Variants in PEX5L observed in about 807,000 individuals in gnomAD.
The protein encoded by PEX5L is PEX5-related protein.
In PEX5L, 30 loss-of-function variants were observed where a neutral mutation model predicts 84.0. That is an observed-to-expected ratio of 0.36 (90% confidence interval 0.27 to 0.48). PEX5L has a LOEUF of 0.48. Ranked by LOEUF, PEX5L falls within the 20% of genes least tolerant of loss-of-function variation. The probability of loss-of-function intolerance (pLI) is 0.99; values close to 1 mark genes in which losing one functional copy is unlikely to be tolerated. For missense variants in PEX5L, 533 were observed against 754.6 expected (o/e 0.71, Z 3.44); for synonymous variants, 270 against 283.1 (o/e 0.95, Z 0.46).
intron 10 of PEX5L, among the ~76,000 whole-genome samples, chr3:179,813,837 C>T (rs937556235): frequency 2.0e-5 from 3 of 151,922 alleles, no homozygotes; most frequent in South Asian, 2.1e-4. Flanking sequence ...CCACCGCGCC[C>T]GGCTAATTTT....
chr3:179,847,758 G>C (rs982249065), intron 8 of PEX5L, among the ~76,000 whole-genome samples: 3 of 152,068 alleles, frequency 2.0e-5, no homozygotes, highest in Non-Finnish European at 4.4e-5. Context: ...TGTTGCCCAG[G>C]TGCAACAAAC....
chr3:179,818,364 G>C (rs1023663739), intron 9 of PEX5L, among the ~76,000 whole-genome samples: 1 of 151,872 alleles, frequency 6.6e-6, no homozygotes, highest in Non-Finnish European at 1.5e-5. Context: ...AGGCATACAC[G>C]TATGTGATGT....
chr3:179,972,205 G>C (rs1323824839), intron 1 of PEX5L, among the ~76,000 whole-genome samples: 1 of 151,656 alleles, frequency 6.6e-6, no homozygotes, highest in Non-Finnish European at 1.5e-5. Flanking sequence ...TAATTTTAAA[G>C]AGATAACTAA....
intron 2 of PEX5L, among the ~76,000 whole-genome samples, chr3:179,932,448 A>T (rs939079605): frequency 6.6e-6 from 1 of 152,106 alleles, no homozygotes; most frequent in Non-Finnish European, 1.5e-5. Context: ...AAACAACCCT[A>T]CCTCCCCAGA....
intron 2 of PEX5L, among the ~76,000 whole-genome samples, chr3:179,906,016 T>C (rs962050315): frequency 1.3e-5 from 2 of 152,194 alleles, no homozygotes; most frequent in African/African-American, 4.8e-5. Context: ...AAAGTTTTAA[T>C]TAGACTTTTA....
intron 7 of PEX5L, among the ~76,000 whole-genome samples, chr3:179,863,444 T>C (rs540618512): frequency 6.6e-6 from 1 of 152,154 alleles, no homozygotes; most frequent in East Asian, 1.9e-4. Flanking sequence ...ATACATCTGA[T>C]AAGGGGTTAA....
intron 10 of PEX5L, 118 bp from the exon 11 acceptor site, chr3:179,811,989 C>A (rs1053628960): frequency 1.3e-6 from 1 of 778,628 alleles, no homozygotes; most frequent in Non-Finnish European, 2.3e-6. Context: ...CATATGTGAG[C>A]GCTATATAAA....
chr3:180,029,461 A>T (rs1791259124), intron 1 of PEX5L, among the ~76,000 whole-genome samples: 2 of 152,228 alleles, frequency 1.3e-5, no homozygotes, highest in Non-Finnish European at 2.9e-5. Flanking sequence ...GAAGCATCAT[A>T]GGTTTGTTGT....
intron 8 of PEX5L, among the ~76,000 whole-genome samples, chr3:179,822,855 G>A (rs1729000177): frequency 6.6e-6 from 1 of 152,184 alleles, no homozygotes; most frequent in South Asian, 2.1e-4. Context: ...AAAACATTGG[G>A]ATATGCAGCA....
intron 1 of PEX5L, among the ~76,000 whole-genome samples, chr3:180,000,452 G>A (rs983962810): frequency 6.6e-6 from 1 of 152,092 alleles, no homozygotes; most frequent in Non-Finnish European, 1.5e-5. Flanking sequence ...GACTACACAT[G>A]GCCCAGACCC....
chr3:179,957,931 A>C (rs1260394938), intron 2 of PEX5L, among the ~76,000 whole-genome samples: 1 of 152,144 alleles, frequency 6.6e-6, no homozygotes, highest in African/African-American at 2.4e-5. Context: ...AGGATTAGGC[A>C]TCTGCTCTTT....
intron 14 of PEX5L, among the ~76,000 whole-genome samples, chr3:179,806,374 T>A (rs957297235): frequency 6.6e-6 from 1 of 152,176 alleles, no homozygotes; most frequent in African/African-American, 2.4e-5. Context: ...TTTCACAGTG[T>A]CCATAAAATA....
chr3:179,896,783 C>T (rs1387396031), intron 3 of PEX5L, among the ~76,000 whole-genome samples: 5 of 152,136 alleles, frequency 3.3e-5, no homozygotes, highest in African/African-American at 1.2e-4. Flanking sequence ...CCATAGCATT[C>T]ACCTGAGGGA....
intron 4 of PEX5L, among the ~76,000 whole-genome samples, chr3:179,885,727 C>T (rs1021261472): frequency 1.3e-5 from 2 of 151,200 alleles, no homozygotes; most frequent in Admixed American, 6.6e-5. Flanking sequence ...GCAGAGAAAA[C>T]ACCACATGAA....
Position 179,805,255 on chromosome 3 carries a change from G to A in PEX5L, c.1676+2419C>T, listed in dbSNP as rs184525307. On this transcript the variant is annotated intron_variant, in intron 14 of 14. Transcript: ENST00000467460. Reference sequence around the variant, plus strand: ...AAGACCCACAAAACTTAGTCGATACGTTCCAAAGTAGCCAACTGAGTAGTG... The same window carrying A: ...AAGACCCACAAAACTTAGTCGATACATTCCAAAGTAGCCAACTGAGTAGTG... Among the ~76,000 whole-genome samples the A allele has an allele frequency of 1.7e-4, 25 of 145,270 alleles. 1 individual carries two copies. The highest frequency in any genetic ancestry group is 7.2e-3 in the Middle Eastern group (2 of 276).
rs1577531842 is a variant in PEX5L at position 179,846,643 on chromosome 3, C to T, written c.822+12419G>A. Among the ~76,000 whole-genome samples, 13 of 152,282 alleles carry T rather than the reference C, an allele frequency of 8.5e-5. 1 individual carries two copies. The South Asian group carries it at 2.3e-3, about 27-fold the overall frequency. On this transcript the variant is annotated intron_variant, in intron 8 of 14. Coordinates refer to ENST00000467460, the MANE Select transcript of PEX5L (RefSeq NM_016559.3). ...TCAGTAGACTGAGTAAAGCAGATTG[C>T]CCTCCGCAGTTGGAAGAGCATCATT...
intron 1 of PEX5L, among the ~76,000 whole-genome samples, chr3:179,995,045 T>C (rs1446752506): frequency 6.9e-6 from 1 of 145,306 alleles, no homozygotes; most frequent in Non-Finnish European, 1.5e-5. Flanking sequence ...AACTCCCCTA[T>C]ATATATATAT....
intron 13 of PEX5L, 63 bp from the exon 14 acceptor site, chr3:179,807,894 T>C: frequency 6.9e-7 from 1 of 1,452,984 alleles, no homozygotes. Context: ...AGCATTCCTG[T>C]ATTTCTCTGC....
At chr3:179,847,298 TGATATACA>T (rs887554300) in intron 8 of PEX5L, among the ~76,000 whole-genome samples, 8 of 152,108 alleles carry the variant, frequency 5.3e-5, no homozygotes, top group African/African-American at 1.9e-4. Context: ...GTATATTGAT[TGATATACA>T]GATATTGGTA....
Sources: allele counts gnomAD v4.1 joint callset (sites outside exome capture counted in the v4.1 genomes callset), GRCh38; gene constraint gnomAD v4.1.1; transcripts MANE v1.5; gene names NCBI Gene and HGNC (gene_info 2026-07-23, HGNC 2026-07-21).